The following DDC variants were observed in gnomAD, a reference collection of about 807,000 sequenced individuals.
The protein encoded by DDC is aromatic-L-amino-acid decarboxylase.
In DDC, 43 loss-of-function variants were observed where a neutral mutation model predicts 60.0. The ratio of observed to expected loss-of-function variants is 0.72; its 90% CI spans 0.56 to 0.92. The LOEUF is 0.92. DDC is among the 40% of genes least tolerant of loss of function. The pLI, the probability that DDC is intolerant of heterozygous loss-of-function variation, is 0.00. For synonymous variants in DDC, 232 were observed against 234.6 expected, an observed-to-expected ratio of 0.99 and a Z score of 0.10; for missense variants, 573 against 620.2, an observed-to-expected ratio of 0.92 and a Z score of 0.81.
At chr7:50,545,573 A>G (rs918853697) in intron 1 of DDC, among the ~76,000 whole-genome samples, 2 of 152,184 alleles carry the variant, frequency 1.3e-5, no homozygotes, top group African/African-American at 4.8e-5. Context: ...CCCGGGTTCA[A>G]GTGATTCTCC....
chr7:50,477,592 A>C (rs1205848774), intron 10 of DDC: 1 of 455,088 alleles, frequency 2.2e-6, no homozygotes, highest in Non-Finnish European at 4.4e-6. Context: ...TTGTATTTAC[A>C]AGAACATCTG....
intron 8 of DDC, among the ~76,000 whole-genome samples, chr7:50,496,297 C>T (rs988538308): frequency 6.6e-6 from 1 of 152,120 alleles, no homozygotes; most frequent in Admixed American, 6.5e-5. Context: ...TTACGTTGCC[C>T]AGGCTGATCT....
chr7:50,523,651 T>TA (rs1335195453), intron 6 of DDC, among the ~76,000 whole-genome samples: 2 of 151,894 alleles, frequency 1.3e-5, no homozygotes, highest in Non-Finnish European at 2.9e-5. Context: ...ATGGATAAAA[T>TA]AAAAAACACT....
At chr7:50,468,576 C>A (rs1188200803) in intron 12 of DDC, among the ~76,000 whole-genome samples, 1 of 152,172 alleles carries the variant, frequency 6.6e-6, no homozygotes, top group Non-Finnish European at 1.5e-5. Flanking sequence ...CTCACCGAAG[C>A]TTTGGGAGTA....
intron 8 of DDC, among the ~76,000 whole-genome samples, chr7:50,497,625 A>G (rs778111190): frequency 2.6e-5 from 4 of 152,136 alleles, no homozygotes; most frequent in Non-Finnish European, 5.9e-5. Flanking sequence ...CCAAACACGC[A>G]CCAAACTAGC....
chr7:50,544,419 A>G (rs1585270398), intron 1 of DDC, among the ~76,000 whole-genome samples: 1 of 152,318 alleles, frequency 6.6e-6, no homozygotes, highest in East Asian at 1.9e-4. Flanking sequence ...AACTTTAATG[A>G]CAAACACTGG....
chr7:50,515,297 C>A (rs898783755), intron 6 of DDC, among the ~76,000 whole-genome samples: 4 of 152,158 alleles, frequency 2.6e-5, no homozygotes, highest in African/African-American at 9.7e-5. Context: ...AATTTTGTAT[C>A]CAGCTGAACT....
At chr7:50,462,240 A>AAAAAAAAAAAAAAAAAAAC (rs2042293494) in intron 14 of DDC, among the ~76,000 whole-genome samples, 2 of 150,570 alleles carry the variant, frequency 1.3e-5, no homozygotes, top group Non-Finnish European at 1.5e-5. Context: ...AAAAAAAAAA[A>AAAAAAAAAAAAAAAAAAAC]AAAAAAAAGA....
intron 6 of DDC, among the ~76,000 whole-genome samples, chr7:50,505,854 C>A (rs956187153): frequency 6.6e-6 from 1 of 152,234 alleles, no homozygotes; most frequent in African/African-American, 2.4e-5. Flanking sequence ...TACCCTCAGG[C>A]GCAGGAGGGG....
chr7:50,460,428 C>T (rs2042245418), intron 14 of DDC, among the ~76,000 whole-genome samples: 1 of 149,626 alleles, frequency 6.7e-6, no homozygotes. Flanking sequence ...AGCCCCCTGC[C>T]CGGCCAGCCG....
At chr7:50,459,582 A>C (rs2042207736) in intron 14 of DDC, 1 of 171,964 alleles carries the variant, frequency 5.8e-6, no homozygotes, top group African/African-American at 2.6e-5. Context: ...CCATTGTCTG[A>C]GATGTGGGGA....
rs148764326 is a variant in DDC at position 50,534,678 on chromosome 7, A to C, written c.435+3182T>G. ...AAAGTAGACCTTGTCCCGTGTATAA[A>C]ACTAAAAGAAAAAGTAAGTCGGCCA... On this transcript the variant is annotated intron_variant, in intron 4 of 14. Coordinates refer to ENST00000444124, the MANE Select transcript of DDC (RefSeq NM_001082971.2). Among the ~76,000 whole-genome samples, 1,401 of 152,326 alleles carry C rather than the reference A, an allele frequency of 9.2e-3. 14 individuals carry two copies. The highest frequency in any genetic ancestry group is 0.054 in the Middle Eastern group (16 of 294).
chr7:50,478,296 C>G (rs993519253), intron 10 of DDC, among the ~76,000 whole-genome samples: 2 of 152,106 alleles, frequency 1.3e-5, no homozygotes, highest in Admixed American at 1.3e-4. Flanking sequence ...TCTATTACCG[C>G]ACCATCTGAT....
chr7:50,563,044 G>C (rs558460269), intron 1 of DDC, among the ~76,000 whole-genome samples: 3 of 151,906 alleles, frequency 2.0e-5, no homozygotes, highest in African/African-American at 7.2e-5. Flanking sequence ...GCAGGCACTT[G>C]TAATTCCAGC....
intron 1 of DDC, among the ~76,000 whole-genome samples, chr7:50,546,618 G>A (rs2044815671): frequency 6.6e-6 from 1 of 152,216 alleles, no homozygotes; most frequent in Non-Finnish European, 1.5e-5. Flanking sequence ...AAACCTGCTA[G>A]AATGTGCTTT....
At chr7:50,462,244 A>G (rs922098203) in intron 14 of DDC, among the ~76,000 whole-genome samples, 3 of 150,638 alleles carry the variant, frequency 2.0e-5, no homozygotes, top group Admixed American at 6.6e-5. Flanking sequence ...AAAAAAAAAA[A>G]AAAAGAAAAT....
chr7:50,528,328 G>A, intron 5 of DDC, 48 bp from the exon 6 acceptor site: 1 of 1,612,072 alleles, frequency 6.2e-7, no homozygotes, highest in Non-Finnish European at 8.5e-7. Context: ...TGTGCATGCA[G>A]TTATTACCAG....
At chr7:50,517,262 T>TA (rs1256196434) in intron 6 of DDC, among the ~76,000 whole-genome samples, 6 of 152,162 alleles carry the variant, frequency 3.9e-5, no homozygotes, top group African/African-American at 9.7e-5. Context: ...AGGGATGGTT[T>TA]AATGTATACA....
intron 8 of DDC, among the ~76,000 whole-genome samples, chr7:50,498,123 A>G (rs1361790218): frequency 2.6e-5 from 4 of 152,184 alleles, no homozygotes; most frequent in African/African-American, 9.6e-5. Flanking sequence ...TGATTAACTC[A>G]TCTACTCCTG....
Sources: gnomAD v4.1 joint callset for allele counts (sites outside exome capture counted in the v4.1 genomes callset) on GRCh38, gnomAD v4.1.1 for gene constraint, MANE v1.5 for transcripts, NCBI Gene and HGNC (gene_info 2026-07-23, HGNC 2026-07-21) for gene names.